Variants in SLC5A11 observed in about 807,000 individuals in gnomAD.
SLC5A11 encodes the protein solute carrier family 5 member 11, also known as sodium/myo-inositol cotransporter 2.
In SLC5A11, 48 loss-of-function variants were observed where a neutral mutation model predicts 69.8. That is an observed-to-expected ratio of 0.69 (90% CI 0.55 to 0.87). The LOEUF is 0.87. Among genes scored for constraint, SLC5A11 ranks in the 40% least tolerant of loss-of-function variants. The pLI, the probability that SLC5A11 is intolerant of heterozygous loss-of-function variation, is 0.00. For synonymous variants in SLC5A11, 319 were observed against 342.4 expected (o/e 0.93, Z 0.75); for missense variants, 784 against 866.1 (o/e 0.91, Z 1.19).
At position 24,884,144 on chromosome 16, in the gene SLC5A11, C is replaced by T. The variant is rs1241745804; in HGVS notation, c.664+13C>T. On this transcript the variant is annotated intron_variant, in intron 8 of 15. Coordinates refer to ENST00000347898, the Ensembl canonical transcript of SLC5A11. ...TTGATGGGCTACAGTAAGTGGGGTCCCCGGGTCACTGGGGCGGACAACAGC... is the reference window on the plus strand; with the variant it reads ...TTGATGGGCTACAGTAAGTGGGGTCTCCGGGTCACTGGGGCGGACAACAGC... 1 of 1,613,612 alleles carries T rather than the reference C, an allele frequency of 6.2e-7. No homozygotes were observed. Among genetic ancestry groups the T allele is most frequent in the Non-Finnish European group, 8.5e-7 (1 of 1,179,612 alleles).
intron 2 of SLC5A11, 123 bp downstream of exon 3, chr16:24,858,901 G>T: frequency 7.9e-7 from 1 of 1,261,436 alleles, no homozygotes; most frequent in Non-Finnish European, 1.1e-6. Context: ...ACTAACACAA[G>T]GTTATAGAGT....
chr16:24,904,865 G>A (rs879864159), intron 10 of SLC5A11, among the ~76,000 whole-genome samples: 2 of 152,066 alleles, frequency 1.3e-5, no homozygotes, highest in Non-Finnish European at 2.9e-5. Context: ...GTGGTTTGCT[G>A]CACCAATCAA....
rs2050285269 is a variant in SLC5A11 at position 24,908,947 on chromosome 16, T to C, written c.1501T>C (p.Tyr501His). ...GGTTAGGCTGGTCCTGGACTTTATT[T>C]ACGTGCAGCCTCGATGCGACCAGCC... The change falls in exon 14 of 16, where the codon TAC becomes CAC. Residue 501 changes from tyrosine to histidine, a missense_variant. By Grantham distance (83) the Tyr-to-His change is moderately conservative. Transcript: ENST00000347898. 12 of 1,614,106 alleles carry C rather than the reference T, an allele frequency of 7.4e-6. No homozygotes were observed. In the East Asian group the frequency reaches 2.7e-4, roughly 36 times the overall value.
At chr16:24,860,025 C>T (rs1044206990) in intron 2 of SLC5A11, among the ~76,000 whole-genome samples, 6 of 152,196 alleles carry the variant, frequency 3.9e-5, no homozygotes, top group Non-Finnish European at 8.8e-5. Flanking sequence ...GTGGCTCACG[C>T]CTGTAATCCC....
intron 1 of SLC5A11, among the ~76,000 whole-genome samples, chr16:24,849,081 T>G (rs2059151687): frequency 6.6e-6 from 1 of 152,138 alleles, no homozygotes; most frequent in Non-Finnish European, 1.5e-5. Context: ...GCCTGGCACA[T>G]AGAGGTGCTC....
chr16:24,904,486 T>A (rs545779970), intron 10 of SLC5A11, among the ~76,000 whole-genome samples: 2 of 152,210 alleles, frequency 1.3e-5, no homozygotes, highest in South Asian at 4.1e-4. Flanking sequence ...TTGATTTGCA[T>A]TTCCTTGATG....
chr16:24,869,074 G>T (rs2047108389), intron 3 of SLC5A11, among the ~76,000 whole-genome samples: 1 of 151,984 alleles, frequency 6.6e-6, no homozygotes, highest in African/African-American at 2.4e-5. Flanking sequence ...CACCATGTTG[G>T]CCAGGCTGGT....
chr16:24,891,770 T>A (rs918451894), intron 9 of SLC5A11, among the ~76,000 whole-genome samples: 8 of 152,178 alleles, frequency 5.3e-5, no homozygotes, highest in African/African-American at 1.9e-4. Flanking sequence ...TCTGGGCACT[T>A]AAAATCAGGA....
chr16:24,877,202 T>C lies in SLC5A11; in HGVS notation c.478-56T>C. Reference sequence around the variant, plus strand: ...TCCCAGGGAACCTGTGCTGCAAATGTCCACTCATTCATTCATTCGTTCATT... The same window carrying C: ...TCCCAGGGAACCTGTGCTGCAAATGCCCACTCATTCATTCATTCGTTCATT... On this transcript the variant is annotated intron_variant, in intron 6 of 15. Transcript: ENST00000347898. 15 of 1,600,240 alleles carry C rather than the reference T, an allele frequency of 9.4e-6. 1 individual carries two copies. In the South Asian group the frequency reaches 1.6e-4, roughly 17 times the overall value.
chr16:24,893,571 A>G (rs531639036), intron 9 of SLC5A11, among the ~76,000 whole-genome samples: 1 of 150,426 alleles, frequency 6.6e-6, no homozygotes, highest in Admixed American at 6.6e-5. Context: ...TTTATTATTT[A>G]TTATTATTTT....
chr16:24,883,104 C>T (rs1302500273), intron 7 of SLC5A11, among the ~76,000 whole-genome samples: 1 of 152,190 alleles, frequency 6.6e-6, no homozygotes, highest in Non-Finnish European at 1.5e-5. Context: ...GTTGCTTACA[C>T]CCGTAATCCC....
At chr16:24,865,288 C>T (rs1192032574) in intron 3 of SLC5A11, among the ~76,000 whole-genome samples, 6 of 152,182 alleles carry the variant, frequency 3.9e-5, no homozygotes, top group Non-Finnish European at 7.3e-5. Context: ...CGGCTGGGCA[C>T]GGTGGCTCAC....
At chr16:24,870,067 G>A in intron 4 of SLC5A11, 62 bp downstream of exon 5, 2 of 1,217,938 alleles carry the variant, frequency 1.6e-6, no homozygotes, top group East Asian at 4.7e-5. Context: ...AGATCTCAGG[G>A]GAAAGTTGTG....
intron 2 of SLC5A11, among the ~76,000 whole-genome samples, chr16:24,860,937 G>C (rs1191615372): frequency 1.3e-5 from 2 of 151,994 alleles, no homozygotes; most frequent in Admixed American, 6.6e-5. Flanking sequence ...TCAATCTCCT[G>C]ACCTCGTGAT....
chr16:24,881,890 A>G (rs1226075573), intron 7 of SLC5A11, among the ~76,000 whole-genome samples: 1 of 152,196 alleles, frequency 6.6e-6, no homozygotes, highest in African/African-American at 2.4e-5. Context: ...CAGAGCTTTG[A>G]AGGAAACAAA....
chr16:24,910,484 A>G lies in SLC5A11; in HGVS notation c.1822+7A>G, dbSNP rs1030839251. The G allele has an allele frequency of 1.2e-6, 2 of 1,613,428 alleles. No individual in the cohort carries two copies. Among genetic ancestry groups the G allele is most frequent in the African/African-American group, 1.3e-5 (1 of 74,868 alleles). On this transcript the variant is annotated splice_region_variant and intron_variant, in intron 15 of 15. Transcript: ENST00000347898. ...ACGTCTAAAACCCACAGCTGTGAGT[A>G]GCTTCTCTCCTCAGTTACAGCAAGA...
At chr16:24,859,012 C>T (rs2059652221) in intron 2 of SLC5A11, among the ~76,000 whole-genome samples, 1 of 152,022 alleles carries the variant, frequency 6.6e-6, no homozygotes, top group African/African-American at 2.4e-5. Flanking sequence ...TTTCACAGGC[C>T]CCTGTGAGAA....
At position 24,885,290 on chromosome 16, in the gene SLC5A11, C is replaced by A. The variant is rs34821896; in HGVS notation, c.664+1159C>A. ...TAGCCAACTTCTTATTATTGTTAAG[C>A]GGGGGACACTACTCTCCACAGGTTT... is the stretch of plus-strand genomic sequence containing the variant. On this transcript the variant is annotated intron_variant, in intron 8 of 15. Coordinates refer to ENST00000347898, the Ensembl canonical transcript of SLC5A11. Among the ~76,000 whole-genome samples, 9 of 151,444 alleles carry A rather than the reference C, an allele frequency of 5.9e-5. 1 individual carries two copies. Among genetic ancestry groups the A allele is most frequent in the Admixed American group, 3.9e-4 (6 of 15,190 alleles).
chr16:24,911,198 G>A (rs1367375058), intron 15 of SLC5A11, 130 bp from the exon 17 acceptor site: 1 of 716,406 alleles, frequency 1.4e-6, no homozygotes, highest in Non-Finnish European at 2.4e-6. Flanking sequence ...GGAGATTTCA[G>A]TCGGGCATAG....
Sources: gnomAD v4.1 joint callset for allele counts (sites outside exome capture counted in the v4.1 genomes callset) on GRCh38, gnomAD v4.1.1 for gene constraint, MANE v1.5 for transcripts, NCBI Gene and HGNC (gene_info 2026-07-23, HGNC 2026-07-21) for gene names.